ADCY7: variants seen among roughly 807,000 people sequenced by gnomAD.
ADCY7 encodes adenylate cyclase type 7.
A neutral mutation model predicts 120.6 loss-of-function variants in ADCY7; 72 were observed. The observed-to-expected ratio is 0.60, with a 90% CI of 0.49 to 0.73. ADCY7 has a LOEUF of 0.73. ADCY7 is among the 30% of genes least tolerant of loss of function. The probability of loss-of-function intolerance (pLI) is 0.00; values close to 1 mark genes in which losing one functional copy is unlikely to be tolerated. For synonymous variants in ADCY7, 661 were observed against 628.0 expected (o/e 1.05, Z -0.78); for missense variants, 1,227 against 1,486.0 (o/e 0.83, Z 2.87).
intron 2 of ADCY7, among the ~76,000 whole-genome samples, chr16:50,288,779 A>G (rs1223406879): frequency 6.6e-6 from 1 of 152,122 alleles, no homozygotes; most frequent in Non-Finnish European, 1.5e-5. Context: ...TGCCCGGCCA[A>G]TGCTCTGTCT....
intron 10 of ADCY7, among the ~76,000 whole-genome samples, chr16:50,303,136 T>A (rs2035840521): frequency 6.6e-6 from 1 of 152,192 alleles, no homozygotes; most frequent in Non-Finnish European, 1.5e-5. Context: ...GACCTTGAAC[T>A]TGAGTGGCTA....
chr16:50,306,965 G>T (rs2036108574), intron 14 of ADCY7, 85 bp from the exon 15 acceptor site: 1 of 1,091,436 alleles, frequency 9.2e-7, no homozygotes, highest in African/African-American at 1.6e-5. Flanking sequence ...GCAGGGAGGT[G>T]TTTTTTTTAA....
At position 50,315,870 on chromosome 16, in the gene ADCY7, C is replaced by T. The variant is rs112889509; in HGVS notation, c.*365C>T. ...CTTCCACCTCAGTGGCCTGTGGGCA[C>T]GCACAAGTGAGGTCTGTTTTTCTAG... On this transcript the variant is annotated 3_prime_UTR_variant, in exon 26 of 26. Transcript: ENST00000673801. The T allele has an allele frequency of 9.2e-5, 19 of 206,528 alleles. No homozygotes were observed. Among genetic ancestry groups the T allele is most frequent in the Non-Finnish European group, 1.7e-4 (17 of 98,116 alleles). 12.8% of individuals were successfully genotyped at this position (206,528 alleles called of 1,614,324 possible).
chr16:50,244,952 T>C (rs1439842776), upstream of ADCY7, among the ~76,000 whole-genome samples: 1 of 152,134 alleles, frequency 6.6e-6, no homozygotes, highest in Non-Finnish European at 1.5e-5. Context: ...AAGTCTCAGG[T>C]GGGACCTCTC....
chr16:50,311,799 G>GGGC lies in ADCY7; in HGVS notation c.2448+13_2448+14insGGC. 3 of 893,476 alleles carry GGGC rather than the reference G, an allele frequency of 3.4e-6. No homozygotes were observed. The highest frequency in any genetic ancestry group is 4.7e-6 in the Non-Finnish European group (3 of 642,280). 55.3% of individuals were successfully genotyped at this position (893,476 alleles called of 1,614,324 possible). A position where few individuals can be genotyped will look rare whatever the true frequency, so the allele number is the denominator to read the frequency against. Reference sequence around the variant, plus strand: ...ACTCTCCAGACAGGTAAGGAGGCTGGCCCCCCCCCCCCCCCCAAGCTCTGC... The same window carrying GGGC: ...ACTCTCCAGACAGGTAAGGAGGCTGGGGCCCCCCCCCCCCCCCCCAAGCTCTGC... On this transcript the variant is annotated intron_variant, in intron 20 of 25. Coordinates refer to ENST00000673801, the MANE Select transcript of ADCY7 (RefSeq NM_001114.5).
At chr16:50,251,784 C>A (rs989312370) in intron 1 of ADCY7, among the ~76,000 whole-genome samples, 9 of 152,168 alleles carry the variant, frequency 5.9e-5, no homozygotes, top group African/African-American at 2.2e-4. Context: ...GCCTGGCCTC[C>A]GGGGGCTCCC....
chr16:50,311,552 C>A, intron 19 of ADCY7, 141 bp from the exon 20 acceptor site: 3 of 702,940 alleles, frequency 4.3e-6, no homozygotes, highest in East Asian at 2.5e-5. Context: ...TTATAATACC[C>A]CAAAGTTGTC....
rs534448994 is a variant in ADCY7, at chr16:50,255,813, A to G, written c.-64+9610A>G. Among the ~76,000 whole-genome samples the G allele has an allele frequency of 4.9e-4, 75 of 152,284 alleles. 2 individuals carry two copies. The South Asian group carries it at 0.015, about 31-fold the overall frequency. On this transcript the variant is annotated intron_variant, in intron 1 of 4. Coordinates refer to the ADCY7 transcript ENST00000564044. ...GCCCAGTCCATTGATTTTTTTGACAAAGATGCCAAGGACCCACTATGGGAA... is the reference window on the plus strand; with the variant it reads ...GCCCAGTCCATTGATTTTTTTGACAGAGATGCCAAGGACCCACTATGGGAA...
intron 2 of ADCY7, among the ~76,000 whole-genome samples, chr16:50,289,794 A>G (rs529788238): frequency 2.0e-5 from 3 of 152,344 alleles, no homozygotes; most frequent in Admixed American, 2.0e-4. Context: ...TGTAAATTTG[A>G]TTAGCTGAGT....
chr16:50,253,739 A>G (rs2032827607), intron 1 of ADCY7, among the ~76,000 whole-genome samples: 1 of 151,814 alleles, frequency 6.6e-6, no homozygotes, highest in African/African-American at 2.4e-5. Context: ...TGTTCTAATG[A>G]CGCCGCCCAG....
chr16:50,314,806 C>G, intron 24 of ADCY7: 1 of 593,986 alleles, frequency 1.7e-6, no homozygotes, highest in East Asian at 2.7e-5. Flanking sequence ...ACCCAGACTT[C>G]TGAGTCTGAA....
chr16:50,304,963 C>G lies in ADCY7; in HGVS notation c.1595+4C>G, dbSNP rs760981974. 52 of 1,613,182 alleles carry G rather than the reference C, an allele frequency of 3.2e-5. No individual in the cohort carries two copies. The highest frequency in any genetic ancestry group is 4.3e-5 in the Non-Finnish European group (51 of 1,179,992). ...GCCACCGCCGGACCCCAGACAGGTG[C>G]GTGCCCTGCCCTCCTGGCCAAGTCC... is the stretch of plus-strand genomic sequence containing the variant. On this transcript the variant is annotated splice_donor_region_variant and intron_variant, in intron 12 of 25. Transcript: ENST00000673801.
At chr16:50,308,625 C>T (rs757851669) in intron 16 of ADCY7, 42 bp from the exon 17 acceptor site, 4 of 1,587,730 alleles carry the variant, frequency 2.5e-6, no homozygotes, top group South Asian at 1.1e-5. Context: ...CCTCCTTGCC[C>T]AGGCTGTTGG....
rs751642382 is a variant in ADCY7, at chr16:50,291,914, G to A, written c.537+17G>A. Reference sequence around the variant, plus strand: ...GGGCTGCAGGTGAGGGATGGGCTAAGGCCTCTGGGGGAGGTTTTGTGGTCT... The same window carrying A: ...GGGCTGCAGGTGAGGGATGGGCTAAAGCCTCTGGGGGAGGTTTTGTGGTCT... On this transcript the variant is annotated intron_variant, in intron 4 of 25. Transcript: ENST00000673801. 1.6e-5 allele frequency: 26 copies of A among 1,588,852 alleles called. No homozygotes were observed. In the Admixed American group the frequency reaches 2.6e-4, roughly 16 times the overall value.
chr16:50,309,742 C>T, intron 18 of ADCY7, 96 bp downstream of exon 18: 1 of 1,073,006 alleles, frequency 9.3e-7, no homozygotes, highest in Non-Finnish European at 1.3e-6. Flanking sequence ...GTGCTGACCC[C>T]TGAGAGCACA....
chr16:50,315,268 C>A, intron 25 of ADCY7, 91 bp from the exon 26 acceptor site: 1 of 1,562,276 alleles, frequency 6.4e-7, no homozygotes, highest in Non-Finnish European at 8.7e-7. Flanking sequence ...CCAGGGAAGG[C>A]AGACTGCATG....
chr16:50,254,574 GA>G (rs1443260704), intron 1 of ADCY7, among the ~76,000 whole-genome samples: 3 of 152,196 alleles, frequency 2.0e-5, no homozygotes, highest in African/African-American at 7.2e-5. Context: ...CGGAGAAGGT[GA>G]AAGAGCTGTA....
intron 18 of ADCY7, 98 bp downstream of exon 18, chr16:50,309,744 G>A: frequency 3.8e-6 from 4 of 1,059,720 alleles, no homozygotes; most frequent in East Asian, 5.3e-5. Context: ...GCTGACCCCT[G>A]AGAGCACAGC....
At position 50,314,424 on chromosome 16, in the gene ADCY7, A is replaced by G. The variant is rs759379315; in HGVS notation, c.2971+18A>G. 3 of 1,605,018 alleles carry G rather than the reference A, an allele frequency of 1.9e-6. No individual in the cohort carries two copies. Among genetic ancestry groups the G allele is most frequent in the Non-Finnish European group, 2.6e-6 (3 of 1,174,606 alleles). ...CCGCGTCGGTGAGCCCGGGTGATGG[A>G]GCGGGGTGGGGAGCCCCTGCCTCTA... On this transcript the variant is annotated intron_variant, in intron 24 of 25. Transcript: ENST00000673801.
Sources: allele counts gnomAD v4.1 joint callset (sites outside exome capture counted in the v4.1 genomes callset), GRCh38; gene constraint gnomAD v4.1.1; transcripts MANE v1.5; gene names NCBI Gene and HGNC (gene_info 2026-07-23, HGNC 2026-07-21).